The following KCNC2 variants were observed in gnomAD, a reference collection of about 807,000 sequenced individuals.
The protein encoded by KCNC2 is voltage-gated potassium channel KCNC2.
A neutral mutation model predicts 44.5 loss-of-function variants in KCNC2; 21 were observed. That is an observed-to-expected ratio of 0.47 (90% CI 0.33 to 0.68). KCNC2 has a LOEUF of 0.68. Ranked by LOEUF, KCNC2 falls within the 30% of genes least tolerant of loss-of-function variation. KCNC2 has a pLI of 0.01. For synonymous variants in KCNC2, 391 were observed against 339.1 expected (o/e 1.15, Z -1.68); for missense variants, 589 against 826.2 (o/e 0.71, Z 3.52).
intron 2 of KCNC2, among the ~76,000 whole-genome samples, chr12:75,051,798 A>G (rs1881202641): frequency 6.6e-6 from 1 of 152,128 alleles, no homozygotes; most frequent in Non-Finnish European, 1.5e-5. Context: ...GTATTCATAT[A>G]TAAAATGTTC....
intron 2 of KCNC2, among the ~76,000 whole-genome samples, chr12:75,158,688 AT>A (rs555869320): frequency 4.0e-5 from 6 of 151,344 alleles, no homozygotes; most frequent in Non-Finnish European, 7.4e-5. Flanking sequence ...AGTTACTTTG[AT>A]TTTTTTTTCC....
At chr12:75,082,916 A>G (rs1884640044) in intron 2 of KCNC2, among the ~76,000 whole-genome samples, 1 of 151,686 alleles carries the variant, frequency 6.6e-6, no homozygotes, top group Non-Finnish European at 1.5e-5. Context: ...ACAGATTGAG[A>G]AAAACAAAGA....
chr12:75,207,278 G>C lies in KCNC2; in HGVS notation c.687+19C>G. On this transcript the variant is annotated intron_variant, in intron 2 of 4. Transcript: ENST00000549446. This position sits in a 1 kb window ranked among gnomAD's most constrained non-coding sequence, Gnocchi z 4.1. The stretch of plus-strand genomic sequence containing the variant: ...GGGAGAAGTTGAAGCAGCAGGGAAG[G>C]GGTCGATTCTGGCCTTACCCTGGCG... 1 of 1,518,550 alleles carries C rather than the reference G, an allele frequency of 6.6e-7. No homozygotes were observed. The highest frequency in any genetic ancestry group is 8.8e-7 in the Non-Finnish European group (1 of 1,138,020). 94.1% of individuals were successfully genotyped at this position (1,518,550 alleles called of 1,614,324 possible).
At chr12:75,203,737 C>T (rs1182975389) in intron 2 of KCNC2, among the ~76,000 whole-genome samples, 1 of 151,798 alleles carries the variant, frequency 6.6e-6, no homozygotes, top group Non-Finnish European at 1.5e-5. Flanking sequence ...TCTCCCCTAC[C>T]CTATAAAAAA....
intron 2 of KCNC2, among the ~76,000 whole-genome samples, chr12:75,057,482 G>C (rs1294804598): frequency 6.6e-6 from 1 of 151,952 alleles, no homozygotes; most frequent in East Asian, 1.9e-4. Context: ...TTTTATCCAA[G>C]TTTTACCACT....
At chr12:75,043,820 T>A in intron 4 of KCNC2, 1 of 1,409,182 alleles carries the variant, frequency 7.1e-7, no homozygotes. Context: ...ATTCCTTGGG[T>A]AAGAAAAGTA....
At chr12:75,115,996 G>A (rs1887632217) in intron 2 of KCNC2, among the ~76,000 whole-genome samples, 1 of 152,100 alleles carries the variant, frequency 6.6e-6, no homozygotes. Flanking sequence ...TGCAGTGCCT[G>A]GAACAGTGCC....
At position 75,207,459 on chromosome 12, in the gene KCNC2, A is replaced by G. The variant is rs776385080; in HGVS notation, c.525T>C (p.Ile175=). The part of the protein sequence containing the change: ...ALDIFETPDL[I]GGDPGDDEDL... Reference sequence around the variant, plus strand: ...CCTCGTCGTCGCCGGGGTCGCCGCCAATGAGGTCGGGGGTCTCGAAGATGT... The same window carrying G: ...CCTCGTCGTCGCCGGGGTCGCCGCCGATGAGGTCGGGGGTCTCGAAGATGT... The change falls in exon 2 of 5, where the codon ATT becomes ATC. Residue 175 remains isoleucine (I), a synonymous_variant. Coordinates refer to ENST00000549446, the MANE Select transcript of KCNC2 (RefSeq NM_139137.4). The surrounding 1 kb of genome is among the most constrained non-coding windows in gnomAD (Gnocchi z 4.1). 3.7e-6 allele frequency: 6 copies of G among 1,611,340 alleles called. No homozygotes were observed. Among genetic ancestry groups the G allele is most frequent in the Non-Finnish European group, 5.1e-6 (6 of 1,179,174 alleles).
At position 75,207,668 on chromosome 12, in the gene KCNC2, G is replaced by T. The variant is rs1239755425; in HGVS notation, c.316C>A (p.Arg106=). The change falls in exon 2 of 5, where the codon CGG becomes AGG. Residue 106 remains arginine, a synonymous_variant. Coordinates refer to ENST00000549446, the MANE Select transcript of KCNC2 (RefSeq NM_139137.4). This position sits in a 1 kb window ranked among gnomAD's most constrained non-coding sequence, Gnocchi z 4.1. ...ACATAGGCGAAGACGCCCGGGTGCC[G>T]GTCGAAGAAGAACTCGCGGCCGCCA... is the stretch of plus-strand genomic sequence containing the variant. ...PGGGREFFFD[R]HPGVFAYVLN... 8 of 1,609,464 alleles carry T rather than the reference G, an allele frequency of 5.0e-6. No individual in the cohort carries two copies. The highest frequency in any genetic ancestry group is 2.7e-5 in the African/African-American group (2 of 74,778).
intron 2 of KCNC2, among the ~76,000 whole-genome samples, chr12:75,176,188 A>G (rs1892171313): frequency 6.6e-6 from 1 of 151,984 alleles, no homozygotes; most frequent in Non-Finnish European, 1.5e-5. Context: ...ACATTTAGCT[A>G]TTTCCTATGG....
chr12:75,044,271 C>A (rs2136915478), intron 4 of KCNC2, among the ~76,000 whole-genome samples: 1 of 152,062 alleles, frequency 6.6e-6, no homozygotes, highest in East Asian at 1.9e-4. Context: ...AATATTCTGA[C>A]AGCTTCTTGA....
chr12:75,042,633 T>A lies in KCNC2; in HGVS notation c.*472A>T. 1 of 1,247,804 alleles carries A rather than the reference T, an allele frequency of 8.0e-7. No individual in the cohort carries two copies. 77.3% of individuals were successfully genotyped at this position (1,247,804 alleles called of 1,614,324 possible). A position where few individuals can be genotyped will look rare whatever the true frequency, so the allele number is the denominator to read the frequency against. On this transcript the variant is annotated 3_prime_UTR_variant, in exon 5 of 5. Coordinates refer to ENST00000549446, the MANE Select transcript of KCNC2 (RefSeq NM_139137.4). ...CAGTCCCCGAACTCTGCAACATTGCTTTCAGGTGATAGAGACAAGATGGTC... is the reference window on the plus strand; with the variant it reads ...CAGTCCCCGAACTCTGCAACATTGCATTCAGGTGATAGAGACAAGATGGTC...
chr12:75,166,729 G>C, intron 2 of KCNC2, among the ~76,000 whole-genome samples: 1 of 151,032 alleles, frequency 6.6e-6, no homozygotes, highest in African/African-American at 2.4e-5. Context: ...CAAAAAAGAT[G>C]TTATAAAAGA....
chr12:75,050,868 A>G lies in KCNC2; in HGVS notation c.1137T>C (p.Thr379=). 2 of 1,613,592 alleles carry G rather than the reference A, an allele frequency of 1.2e-6. No individual in the cohort carries two copies. The highest frequency in any genetic ancestry group is 1.7e-6 in the Non-Finnish European group (2 of 1,179,816). ...RVLGHTLRAS[T]NEFLLLIIFL... ...AAATTATCAGCAGCAAAAATTCATT[A>G]GTACTAGCTCGAAGAGTATGTCCAA... Residue 379 remains threonine, a synonymous_variant, in exon 3 of 5, where the codon ACT becomes ACC. Transcript: ENST00000549446.
At chr12:75,102,583 T>C (rs979644615) in intron 2 of KCNC2, among the ~76,000 whole-genome samples, 2 of 152,104 alleles carry the variant, frequency 1.3e-5, no homozygotes, top group Non-Finnish European at 1.5e-5. Context: ...TTATTGCCAA[T>C]GGCCAAAGGC....
At chr12:75,167,932 A>G (rs75411661) in intron 2 of KCNC2, among the ~76,000 whole-genome samples, 3,735 of 151,332 alleles carry the variant, frequency 0.025, 158 homozygotes, top group African/African-American at 0.085. Context: ...ATCATTTCCA[A>G]TTTTATCTCA....
chr12:75,167,852 T>C (rs1254645703), intron 2 of KCNC2, among the ~76,000 whole-genome samples: 1 of 151,448 alleles, frequency 6.6e-6, no homozygotes, highest in South Asian at 2.1e-4. Flanking sequence ...TGCCAATGTC[T>C]CAAGATTTTC....
intron 3 of KCNC2, 68 bp downstream of exon 3, chr12:75,050,322 G>T: frequency 9.0e-7 from 1 of 1,111,650 alleles, no homozygotes; most frequent in East Asian, 2.4e-5. Flanking sequence ...GAGAATGACT[G>T]CCTTCTGCCT....
intron 2 of KCNC2, among the ~76,000 whole-genome samples, chr12:75,194,196 T>C (rs575689007): frequency 4.3e-4 from 66 of 152,216 alleles, no homozygotes; most frequent in African/African-American, 1.6e-3. Context: ...TAACAATTAG[T>C]TAAATCAAAA....
Sources: gnomAD v4.1 joint callset for allele counts (sites outside exome capture counted in the v4.1 genomes callset) on GRCh38, gnomAD v4.1.1 for gene constraint, Gnocchi (gnomAD v3.1) non-coding constraint, MANE v1.5 for transcripts, NCBI Gene and HGNC (gene_info 2026-07-23, HGNC 2026-07-21) for gene names.